Variants in ARMC2 observed in about 807,000 individuals in gnomAD.
ARMC2 encodes armadillo repeat-containing protein 2.
ARMC2 carries 67 observed loss-of-function variants against 90.3 expected under a neutral mutation model. That is an observed-to-expected ratio of 0.74 (90% CI 0.61 to 0.91). The LOEUF (loss-of-function observed/expected upper bound fraction) is 0.91. Ranked by LOEUF, ARMC2 falls within the 40% of genes least tolerant of loss-of-function variation. ARMC2 has a pLI of 0.00. For synonymous variants in ARMC2, 393 were observed against 393.0 expected, an observed-to-expected ratio of 1.00 and a Z score of 0.00; for missense variants, 920 against 1,030.9, an observed-to-expected ratio of 0.89 and a Z score of 1.47.
chr6:109,037,841 A>ATACC, the ARMC2 span, among the ~76,000 whole-genome samples: 19 of 152,286 alleles, frequency 1.2e-4, no homozygotes, highest in African/African-American at 4.3e-4. Context: ...AGAGATAAAA[A>ATACC]TAGTAAAATG....
intron 10 of ARMC2, among the ~76,000 whole-genome samples, chr6:108,927,151 C>T (rs565817146): frequency 6.6e-6 from 1 of 152,124 alleles, no homozygotes; most frequent in South Asian, 2.1e-4. Flanking sequence ...CACACAACCC[C>T]CCGAGAGGTG....
At chr6:109,044,280 C>A in the ARMC2 span, among the ~76,000 whole-genome samples, 2 of 130,706 alleles carry the variant, frequency 1.5e-5, no homozygotes, top group African/African-American at 5.9e-5. Flanking sequence ...CCACCACACT[C>A]CAGCCTAGAT....
At chr6:109,011,026 C>G in the ARMC2 span, among the ~76,000 whole-genome samples, 1 of 151,932 alleles carries the variant, frequency 6.6e-6, no homozygotes, top group African/African-American at 2.4e-5. Flanking sequence ...AATGATGACT[C>G]TGGTTCTAGA....
the ARMC2 span, among the ~76,000 whole-genome samples, chr6:109,005,858 A>G: frequency 2.6e-5 from 4 of 152,244 alleles, no homozygotes; most frequent in African/African-American, 7.2e-5. Context: ...GTCTTTTGTT[A>G]TAGATTCTAG....
chr6:108,850,425 T>A (rs1773886706), intron 1 of ARMC2, among the ~76,000 whole-genome samples: 1 of 152,212 alleles, frequency 6.6e-6, no homozygotes. Flanking sequence ...ATCCTGTTAA[T>A]TCTGTTCTCA....
intron 5 of ARMC2, among the ~76,000 whole-genome samples, chr6:108,883,159 T>A (rs1329870195): frequency 6.6e-6 from 1 of 152,222 alleles, no homozygotes. Context: ...TCTGGTTTTC[T>A]TAAAGAATCA....
intron 5 of ARMC2, among the ~76,000 whole-genome samples, chr6:108,880,571 A>C (rs1001312376): frequency 6.6e-6 from 1 of 152,240 alleles, no homozygotes; most frequent in African/African-American, 2.4e-5. Context: ...AACGAAGATA[A>C]TGATCAAGTT....
chr6:108,904,731 G>C lies in ARMC2; in HGVS notation c.1023+326G>C, dbSNP rs1443130673. On this transcript the variant is annotated intron_variant, in intron 8 of 17. Transcript: ENST00000392644. ...AACCGTAGGCAAATACATTCAAAAT[G>C]GTTGCTCAAATAACTTGACTGGAGA... Among the ~76,000 whole-genome samples the C allele has an allele frequency of 2.6e-5, 4 of 152,234 alleles. No individual in the cohort carries two copies. In the East Asian group the frequency reaches 5.8e-4, roughly 22 times the overall value.
intron 5 of ARMC2, among the ~76,000 whole-genome samples, chr6:108,890,328 A>G (rs114822887): frequency 6.6e-6 from 1 of 150,704 alleles, no homozygotes; most frequent in Non-Finnish European, 1.5e-5. Flanking sequence ...GACTGCTTAG[A>G]CAAGTGATTA....
chr6:108,907,617 A>G, intron 8 of ARMC2: 1 of 1,574,342 alleles, frequency 6.4e-7, no homozygotes. Context: ...CTTCAGTGGT[A>G]TTTGCGGAGC....
chr6:108,938,659 T>C (rs1005460837), intron 12 of ARMC2, among the ~76,000 whole-genome samples: 1 of 148,408 alleles, frequency 6.7e-6, no homozygotes, highest in Non-Finnish European at 1.5e-5. Flanking sequence ...TGTCTTTAAT[T>C]AGAGAAGATT....
intron 12 of ARMC2, among the ~76,000 whole-genome samples, chr6:108,940,352 T>C (rs1776335192): frequency 6.6e-6 from 1 of 152,174 alleles, no homozygotes; most frequent in South Asian, 2.1e-4. Context: ...CTCTCTCTCC[T>C]GCGCGTGAGA....
chr6:108,864,971 G>A (rs1261838823), intron 3 of ARMC2, among the ~76,000 whole-genome samples: 1 of 150,992 alleles, frequency 6.6e-6, no homozygotes, highest in African/African-American at 2.4e-5. Flanking sequence ...GAAACAAAAT[G>A]TGAGGTAGTT....
At chr6:109,010,692 TA>T in the ARMC2 span, among the ~76,000 whole-genome samples, 4 of 152,228 alleles carry the variant, frequency 2.6e-5, no homozygotes, top group Non-Finnish European at 4.4e-5. Context: ...ATACTGCTTT[TA>T]AAAAATAGCT....
chr6:108,977,184 T>G (rs1778998733), downstream of ARMC2, among the ~76,000 whole-genome samples: 1 of 150,846 alleles, frequency 6.6e-6, no homozygotes, highest in South Asian at 2.1e-4. Context: ...CATCAATACC[T>G]ACTTTATTGA....
chr6:108,989,391 CTCTA>C, the ARMC2 span, among the ~76,000 whole-genome samples: 2 of 150,912 alleles, frequency 1.3e-5, no homozygotes, highest in Admixed American at 1.3e-4. Flanking sequence ...CTTTCTCTCT[CTCTA>C]TATATAGATA....
chr6:108,963,927 C>T (rs1240325104), intron 15 of ARMC2, among the ~76,000 whole-genome samples: 4 of 152,190 alleles, frequency 2.6e-5, no homozygotes, highest in African/African-American at 9.7e-5. Context: ...CTTTCACTGC[C>T]GTGGAGAAGC....
intron 3 of ARMC2, 110 bp downstream of exon 3, chr6:108,858,381 C>G: frequency 1.7e-6 from 1 of 604,582 alleles, no homozygotes; most frequent in Non-Finnish European, 2.7e-6. Context: ...TCATGTACAC[C>G]TAAATAGACT....
intron 6 of ARMC2, 101 bp downstream of exon 6, chr6:108,894,644 T>G (rs975849273): frequency 1.0e-6 from 1 of 1,000,470 alleles, no homozygotes; most frequent in African/African-American, 1.7e-5. Context: ...TTAAGGAAGT[T>G]TGTCCAATTT....
Sources: allele counts gnomAD v4.1 joint callset (sites outside exome capture counted in the v4.1 genomes callset), GRCh38; gene constraint gnomAD v4.1.1; transcripts MANE v1.5; gene names NCBI Gene and HGNC (gene_info 2026-07-23, HGNC 2026-07-21).